ST6GALNAC3: variants seen among roughly 807,000 people sequenced by gnomAD.
ST6GALNAC3 encodes ST6 N-acetylgalactosaminide alpha-2,6-sialyltransferase 3.
Under a neutral mutation model 32.7 loss-of-function variants are expected in ST6GALNAC3, and 25 were observed. That is an observed-to-expected ratio of 0.76 (90% confidence interval 0.56 to 1.07). The LOEUF (loss-of-function observed/expected upper bound fraction) is 1.07. Ranked by LOEUF, ST6GALNAC3 falls within the 50% of genes least tolerant of loss-of-function variation. The pLI is 0.00. For missense variants in ST6GALNAC3, 355 were observed against 382.4 expected (o/e 0.93, Z 0.60); for synonymous variants, 129 against 133.1 (o/e 0.97, Z 0.21).
At chr1:76,169,008 G>C (rs770364823) in intron 1 of ST6GALNAC3, among the ~76,000 whole-genome samples, 2 of 152,048 alleles carry the variant, frequency 1.3e-5, no homozygotes, top group Admixed American at 6.6e-5. Context: ...ATGTTAACTG[G>C]TTATTTTGCA....
At chr1:76,476,116 C>A (rs571954246) in intron 3 of ST6GALNAC3, among the ~76,000 whole-genome samples, 2 of 152,128 alleles carry the variant, frequency 1.3e-5, no homozygotes, top group Admixed American at 1.3e-4. Flanking sequence ...GCATTTGGGT[C>A]GGAATTTTTA....
intron 1 of ST6GALNAC3, among the ~76,000 whole-genome samples, chr1:76,250,372 A>T (rs1275155895): frequency 1.3e-5 from 2 of 152,164 alleles, no homozygotes; most frequent in Non-Finnish European, 2.9e-5. Context: ...GCATTTGGAC[A>T]CTGCAGCAAT....
intron 3 of ST6GALNAC3, among the ~76,000 whole-genome samples, chr1:76,580,669 C>T (rs902938529): frequency 1.3e-5 from 2 of 151,976 alleles, no homozygotes; most frequent in African/African-American, 4.8e-5. Flanking sequence ...CACTTGAATA[C>T]TTGTTGAATG....
intron 3 of ST6GALNAC3, among the ~76,000 whole-genome samples, chr1:76,553,697 T>A (rs1664763462): frequency 6.6e-6 from 1 of 152,198 alleles, no homozygotes; most frequent in Non-Finnish European, 1.5e-5. Flanking sequence ...TCTTTAGTAA[T>A]TACATGATTT....
intron 3 of ST6GALNAC3, among the ~76,000 whole-genome samples, chr1:76,553,062 T>C (rs1664730654): frequency 6.6e-6 from 1 of 152,192 alleles, no homozygotes; most frequent in Non-Finnish European, 1.5e-5. Context: ...GAAACATCTT[T>C]TTATCCTAGG....
intron 1 of ST6GALNAC3, among the ~76,000 whole-genome samples, chr1:76,306,276 T>G (rs1199967492): frequency 6.6e-6 from 1 of 152,046 alleles, no homozygotes; most frequent in African/African-American, 2.4e-5. Context: ...AGGTACCCTT[T>G]GACAGTCAAT....
At chr1:76,608,352 G>C (rs531570719) in intron 3 of ST6GALNAC3, among the ~76,000 whole-genome samples, 2 of 152,276 alleles carry the variant, frequency 1.3e-5, no homozygotes, top group East Asian at 3.9e-4. Context: ...GGAAAACAGA[G>C]ATTAACCAAA....
chr1:76,106,254 T>TA (rs2100789305), intron 1 of ST6GALNAC3, among the ~76,000 whole-genome samples: 1 of 152,356 alleles, frequency 6.6e-6, no homozygotes, highest in Non-Finnish European at 1.5e-5. Flanking sequence ...TTTGTAAGAC[T>TA]AAAAATGTTG....
chr1:76,595,398 A>T (rs932930278), intron 3 of ST6GALNAC3, among the ~76,000 whole-genome samples: 1 of 151,970 alleles, frequency 6.6e-6, no homozygotes, highest in Non-Finnish European at 1.5e-5. Context: ...CCCTCAGCTT[A>T]TTCTCCCCCA....
chr1:76,590,875 A>G (rs1647037087), intron 3 of ST6GALNAC3, among the ~76,000 whole-genome samples: 1 of 152,184 alleles, frequency 6.6e-6, no homozygotes, highest in South Asian at 2.1e-4. Flanking sequence ...TATTATGAAT[A>G]TTAAAGTAGA....
At chr1:76,587,188 C>G (rs1344766264) in intron 3 of ST6GALNAC3, among the ~76,000 whole-genome samples, 1 of 152,152 alleles carries the variant, frequency 6.6e-6, no homozygotes, top group East Asian at 1.9e-4. Flanking sequence ...GCTACAGTCC[C>G]TTAAATGAGA....
chr1:76,507,243 T>G (rs1245832252), intron 3 of ST6GALNAC3, among the ~76,000 whole-genome samples: 1 of 152,198 alleles, frequency 6.6e-6, no homozygotes, highest in Non-Finnish European at 1.5e-5. Context: ...TCTTTTCACT[T>G]CTTTTTTCCT....
At chr1:76,590,469 C>T (rs3862895) in intron 3 of ST6GALNAC3, among the ~76,000 whole-genome samples, 25,830 of 152,034 alleles carry the variant, frequency 0.17, 3,058 homozygotes, top group African/African-American at 0.33. Context: ...ATAAGCTTAC[C>T]TTTTCTATTG....
intron 1 of ST6GALNAC3, among the ~76,000 whole-genome samples, chr1:76,182,819 G>A (rs979844083): frequency 6.6e-6 from 1 of 151,220 alleles, no homozygotes; most frequent in African/African-American, 2.4e-5. Flanking sequence ...CATTTTAATG[G>A]GAGTGTTGTA....
intron 2 of ST6GALNAC3, among the ~76,000 whole-genome samples, chr1:76,334,292 G>T (rs1250288553): frequency 6.6e-6 from 1 of 152,130 alleles, no homozygotes; most frequent in Non-Finnish European, 1.5e-5. Context: ...TTGAACTCAA[G>T]GTGATATGAT....
intron 3 of ST6GALNAC3, among the ~76,000 whole-genome samples, chr1:76,436,788 AAGTCACATTAAGTAG>A (rs1466704622): frequency 1.3e-5 from 2 of 152,110 alleles, no homozygotes; most frequent in African/African-American, 4.8e-5. Context: ...TAACTGAATA[AAGTCACATTAAGTAG>A]AGTCCAAACT....
rs373382067 is a variant in ST6GALNAC3 at position 76,502,524 on chromosome 1, G to A, written c.623+90107G>A. Reference sequence around the variant, plus strand: ...ACCTCTCTCTTTGGCTTGTTAATGAGTCTTTTCACTATATCTCTTCACATA... The same window carrying A: ...ACCTCTCTCTTTGGCTTGTTAATGAATCTTTTCACTATATCTCTTCACATA... On this transcript the variant is annotated intron_variant, in intron 3 of 4. Coordinates refer to ENST00000328299, the MANE Select transcript of ST6GALNAC3 (RefSeq NM_152996.4). 7.2e-5 allele frequency among the ~76,000 whole-genome samples: 11 copies of A among 152,202 alleles called. No homozygotes were observed. The East Asian group carries it at 1.2e-3, about 16-fold the overall frequency.
At chr1:76,131,702 T>A (rs971462555) in intron 1 of ST6GALNAC3, among the ~76,000 whole-genome samples, 6 of 152,198 alleles carry the variant, frequency 3.9e-5, no homozygotes, top group Non-Finnish European at 7.4e-5. Flanking sequence ...AGTTGTTTGA[T>A]GCACTCCTGC....
intron 3 of ST6GALNAC3, among the ~76,000 whole-genome samples, chr1:76,455,609 C>T (rs1657718183): frequency 6.6e-6 from 1 of 152,142 alleles, no homozygotes; most frequent in Admixed American, 6.5e-5. Flanking sequence ...AAAACCAATT[C>T]TCCATTGTGT....
Sources: allele counts gnomAD v4.1 joint callset (sites outside exome capture counted in the v4.1 genomes callset), GRCh38; gene constraint gnomAD v4.1.1; transcripts MANE v1.5; gene names NCBI Gene and HGNC (gene_info 2026-07-23, HGNC 2026-07-21).